Variants in ELMO1 observed in about 807,000 individuals in gnomAD.
ELMO1 encodes the protein engulfment and cell motility 1, also known as engulfment and cell motility protein 1.
ELMO1 carries 26 observed loss-of-function variants against 98.9 expected under a neutral mutation model. The ratio of observed to expected loss-of-function variants is 0.26; its 90% CI spans 0.19 to 0.36. The LOEUF (loss-of-function observed/expected upper bound fraction) is 0.36. ELMO1 is among the 10% of genes least tolerant of loss of function. The pLI is 1.00. For missense variants in ELMO1, 627 were observed against 935.2 expected (o/e 0.67, Z 4.30); for synonymous variants, 346 against 346.0 (o/e 1.00, Z 0.00).
intron 4 of ELMO1, among the ~76,000 whole-genome samples, chr7:37,297,638 T>C (rs1214255824): frequency 6.7e-6 from 1 of 150,274 alleles, no homozygotes; most frequent in Non-Finnish European, 1.5e-5. Context: ...GAGAGGAAGA[T>C]AAACAATTTA....
chr7:37,008,502 C>T (rs1793305997), intron 16 of ELMO1, among the ~76,000 whole-genome samples: 2 of 151,372 alleles, frequency 1.3e-5, no homozygotes. Flanking sequence ...TTAACATAGC[C>T]AAAAAATGTC....
In ELMO1 at chr7:36,870,253, G is replaced by A; in HGVS notation, c.1905+140C>T. 1 of 665,412 alleles carries A rather than the reference G, an allele frequency of 1.5e-6. No individual in the cohort carries two copies. 41.2% of individuals were successfully genotyped at this position (665,412 alleles called of 1,614,324 possible). A position where few individuals can be genotyped will look rare whatever the true frequency, so the allele number is the denominator to read the frequency against. ...AGAGACGTAAAAGGAATCGGGACAG[G>A]AAACAGGAGAGCTGAATAAGAGATG... On this transcript the variant is annotated intron_variant, in intron 20 of 21. Transcript: ENST00000310758. The surrounding 1 kb of genome is among the most constrained non-coding windows in gnomAD (Gnocchi z 4.4).
intron 14 of ELMO1, among the ~76,000 whole-genome samples, chr7:37,110,925 G>A (rs763340849): frequency 1.2e-4 from 18 of 152,186 alleles, no homozygotes; most frequent in Non-Finnish European, 2.6e-4. Context: ...GCTCTTTGGG[G>A]AAGAATTCCT....
chr7:36,952,961 ACT>A (rs1228464843), intron 16 of ELMO1, among the ~76,000 whole-genome samples: 1 of 121,218 alleles, frequency 8.2e-6, no homozygotes, highest in Non-Finnish European at 1.7e-5. Flanking sequence ...GGAAGTCACT[ACT>A]CTTTTTTTTT....
chr7:37,251,902 T>C (rs561282292), intron 6 of ELMO1, among the ~76,000 whole-genome samples: 48 of 152,180 alleles, frequency 3.2e-4, no homozygotes, highest in Non-Finnish European at 6.0e-4. Context: ...ACAAAATCAA[T>C]GTGCAAAAAT....
intron 16 of ELMO1, among the ~76,000 whole-genome samples, chr7:36,952,530 C>T (rs1278953224): frequency 6.6e-6 from 1 of 152,228 alleles, no homozygotes; most frequent in South Asian, 2.1e-4. Flanking sequence ...GCAGCACCTC[C>T]ATATCATCAC....
chr7:37,272,184 C>T (rs73110831), intron 4 of ELMO1, among the ~76,000 whole-genome samples: 190 of 152,254 alleles, frequency 1.2e-3, no homozygotes, highest in Middle Eastern at 3.4e-3. Flanking sequence ...CTGACTCCTA[C>T]GATTGCACTC....
intron 15 of ELMO1, among the ~76,000 whole-genome samples, chr7:37,082,421 C>T (rs1202399249): frequency 6.6e-6 from 1 of 152,092 alleles, no homozygotes; most frequent in Non-Finnish European, 1.5e-5. Context: ...GCATATTTCA[C>T]AGCCAGGTAC....
rs528895623 is a variant in ELMO1, at chr7:37,003,153, A to C, written c.1437+10146T>G. Among the ~76,000 whole-genome samples, 5 of 152,356 alleles carry C rather than the reference A, an allele frequency of 3.3e-5. No homozygotes were observed. The East Asian group carries it at 9.6e-4, about 29-fold the overall frequency. ...AGGGAAGAAGGAGGCGGGCAGAAGA[A>C]GAAATTCGGTTTGGAATTATCATCT... On this transcript the variant is annotated intron_variant, in intron 16 of 21. Coordinates refer to ENST00000310758, the MANE Select transcript of ELMO1 (RefSeq NM_014800.11).
intron 4 of ELMO1, 105 bp downstream of exon 4, chr7:37,314,745 G>T: frequency 1.0e-6 from 1 of 981,134 alleles, no homozygotes; most frequent in Non-Finnish European, 1.5e-6. Flanking sequence ...GGATAGTAGA[G>T]ACCTAAAATT....
At chr7:36,868,454 T>C (rs1390136155) in intron 20 of ELMO1, among the ~76,000 whole-genome samples, 1 of 151,946 alleles carries the variant, frequency 6.6e-6, no homozygotes, top group Non-Finnish European at 1.5e-5. Context: ...CAAGTGATTC[T>C]CCTGCCTCAG....
intron 1 of ELMO1, chr7:37,429,589 G>C (rs1169545263): frequency 1.3e-5 from 2 of 152,282 alleles, no homozygotes; most frequent in African/African-American, 4.8e-5. Flanking sequence ...AGGATGCACA[G>C]ATGACTGGCT....
At chr7:37,370,527 C>T (rs539299201) in intron 1 of ELMO1, among the ~76,000 whole-genome samples, 2 of 151,888 alleles carry the variant, frequency 1.3e-5, no homozygotes, top group African/African-American at 4.8e-5. Flanking sequence ...ACAGTGACAT[C>T]GATAATGAAC....
intron 1 of ELMO1, among the ~76,000 whole-genome samples, chr7:37,426,191 T>C (rs536692577): frequency 7.0e-6 from 1 of 142,768 alleles, no homozygotes; most frequent in Non-Finnish European, 1.5e-5. Flanking sequence ...TCTCATTCTG[T>C]CACCCAGGCT....
chr7:37,308,742 T>C (rs1232404646), intron 4 of ELMO1, among the ~76,000 whole-genome samples: 1 of 152,190 alleles, frequency 6.6e-6, no homozygotes, highest in Admixed American at 6.5e-5. Flanking sequence ...TGTCCATTTC[T>C]CTCTGGCTGC....
At chr7:36,858,601 G>T (rs1183120571) in intron 21 of ELMO1, among the ~76,000 whole-genome samples, 1 of 152,138 alleles carries the variant, frequency 6.6e-6, no homozygotes, top group Non-Finnish European at 1.5e-5. Flanking sequence ...GATTATCTTG[G>T]ATTATCCAGG....
chr7:37,109,400 TGTGA>T (rs985201873), intron 14 of ELMO1, among the ~76,000 whole-genome samples: 1 of 152,214 alleles, frequency 6.6e-6, no homozygotes, highest in Non-Finnish European at 1.5e-5. Flanking sequence ...CTGTAAATGC[TGTGA>T]GTGAGAATCA....
At chr7:37,101,510 T>C (rs1435159650) in intron 14 of ELMO1, among the ~76,000 whole-genome samples, 1 of 152,044 alleles carries the variant, frequency 6.6e-6, no homozygotes, top group African/African-American at 2.4e-5. Context: ...CTGAAGCAGT[T>C]TTACAGAAGC....
chr7:37,014,572 C>T (rs1190838342), intron 15 of ELMO1, among the ~76,000 whole-genome samples: 2 of 152,122 alleles, frequency 1.3e-5, no homozygotes, highest in East Asian at 1.9e-4. Flanking sequence ...CCATCACCTA[C>T]GTTTTAAGCC....
Sources: gnomAD v4.1 joint callset for allele counts (sites outside exome capture counted in the v4.1 genomes callset) on GRCh38, gnomAD v4.1.1 for gene constraint, Gnocchi (gnomAD v3.1) non-coding constraint, MANE v1.5 for transcripts, NCBI Gene and HGNC (gene_info 2026-07-23, HGNC 2026-07-21) for gene names.